The following AJAP1 variants were observed in gnomAD, a reference collection of about 807,000 sequenced individuals.
The protein encoded by AJAP1 is adherens junction-associated protein 1.
In AJAP1, 5 loss-of-function variants were observed where a neutral mutation model predicts 35.0. That is an observed-to-expected ratio of 0.14 (90% CI 0.07 to 0.30). AJAP1 has a LOEUF of 0.30. Among genes scored for constraint, AJAP1 ranks in the 10% least tolerant of loss-of-function variants. The pLI, the probability that AJAP1 is intolerant of heterozygous loss-of-function variation, is 1.00. For synonymous variants in AJAP1, 284 were observed against 249.3 expected, an observed-to-expected ratio of 1.14 and a Z score of -1.31; for missense variants, 586 against 571.0, an observed-to-expected ratio of 1.03 and a Z score of -0.27.
rs139302903 is a variant in AJAP1 at position 4,667,922 on chromosome 1, C to T, written c.29+12468C>T. Among the ~76,000 whole-genome samples the T allele has an allele frequency of 5.2e-3, 787 of 152,228 alleles. 9 individuals are homozygous for T. Among genetic ancestry groups the T allele is most frequent in the African/African-American group, 0.018 (746 of 41,542 alleles). On this transcript the variant is annotated intron_variant, in intron 1 of 5. Transcript: ENST00000378191. The stretch of plus-strand genomic sequence containing the variant: ...AGTTGGATTCCTCCCTAAAGAATGC[C>T]GTTAGGGTAAGGCCAGGAGTGTTTG...
chr1:4,765,399 G>A (rs1293298553), intron 2 of AJAP1, among the ~76,000 whole-genome samples: 1 of 152,086 alleles, frequency 6.6e-6, no homozygotes, highest in Non-Finnish European at 1.5e-5. Flanking sequence ...TTATGGGACA[G>A]GTGTTCCTGC....
At chr1:4,745,304 G>A (rs919649613) in intron 2 of AJAP1, among the ~76,000 whole-genome samples, 3 of 152,010 alleles carry the variant, frequency 2.0e-5, no homozygotes, top group African/African-American at 7.2e-5. Flanking sequence ...GTGGGTATGT[G>A]TGTCGAGGTG....
At chr1:4,754,521 C>G (rs992489512) in intron 2 of AJAP1, among the ~76,000 whole-genome samples, 1 of 152,200 alleles carries the variant, frequency 6.6e-6, no homozygotes, top group Non-Finnish European at 1.5e-5. Flanking sequence ...AATCTCCATT[C>G]CAAGCTTCCC....
chr1:4,728,580 G>T (rs889471239), intron 2 of AJAP1, among the ~76,000 whole-genome samples: 1 of 152,212 alleles, frequency 6.6e-6, no homozygotes, highest in Non-Finnish European at 1.5e-5. Context: ...GCCTGCTCCA[G>T]AGTGGGCTGT....
intron 2 of AJAP1, among the ~76,000 whole-genome samples, chr1:4,752,223 G>T (rs1291090238): frequency 6.6e-6 from 1 of 151,682 alleles, no homozygotes; most frequent in Non-Finnish European, 1.5e-5. Flanking sequence ...GGGACAGGGG[G>T]ATGAGAAGAC....
At chr1:4,762,091 C>T (rs1557644084) in intron 2 of AJAP1, among the ~76,000 whole-genome samples, 1 of 152,210 alleles carries the variant, frequency 6.6e-6, no homozygotes, top group Non-Finnish European at 1.5e-5. Context: ...CAGATAAAGA[C>T]AATAACAAGG....
At chr1:4,775,557 A>G (rs1443491236) in intron 5 of AJAP1, among the ~76,000 whole-genome samples, 1 of 152,236 alleles carries the variant, frequency 6.6e-6, no homozygotes, top group African/African-American at 2.4e-5. Flanking sequence ...TGGAGGACTC[A>G]GCTGGCTGCA....
chr1:4,711,423 T>A (rs756627584), intron 1 of AJAP1, among the ~76,000 whole-genome samples: 2 of 152,154 alleles, frequency 1.3e-5, no homozygotes, highest in African/African-American at 2.4e-5. Flanking sequence ...CTGGGCTATG[T>A]AGAGGAAAGC....
chr1:4,717,082 A>G (rs930925213), intron 2 of AJAP1, among the ~76,000 whole-genome samples: 1 of 152,224 alleles, frequency 6.6e-6, no homozygotes, highest in Non-Finnish European at 1.5e-5. Flanking sequence ...GCCTTCTATG[A>G]CAGCTCTCTT....
intron 1 of AJAP1, among the ~76,000 whole-genome samples, chr1:4,700,952 C>T (rs989155994): frequency 6.6e-6 from 1 of 152,202 alleles, no homozygotes; most frequent in Non-Finnish European, 1.5e-5. Context: ...TCAGCTAAGA[C>T]ACAGAGCCAG....
Position 4,791,501 on chromosome 1 carries a change from C to G in AJAP1, c.*9016C>G, listed in dbSNP as rs1373263319. 1 of 152,198 alleles carries G rather than the reference C, an allele frequency of 6.6e-6. No individual in the cohort carries two copies. Among genetic ancestry groups the G allele is most frequent in the African/African-American group, 2.4e-5 (1 of 41,458 alleles). 9.4% of individuals were successfully genotyped at this position (152,198 alleles called of 1,614,324 possible). ...ATCTCGCCATGGTTAGCACCAGGGA[C>G]AAGTCTGGCTCTAATGTATGTTTTA... On this transcript the variant is annotated 3_prime_UTR_variant, in exon 6 of 6. Transcript: ENST00000378191.
intron 1 of AJAP1, among the ~76,000 whole-genome samples, 184 bp from the exon 2 acceptor site, chr1:4,711,716 C>G (rs753331489): frequency 1.3e-5 from 2 of 152,168 alleles, no homozygotes; most frequent in Non-Finnish European, 2.9e-5. Context: ...TGTTCTTGCA[C>G]GTGAGTGAGC....
At chr1:4,673,419 GTCTT>G (rs1639290045) in intron 1 of AJAP1, among the ~76,000 whole-genome samples, 1 of 152,134 alleles carries the variant, frequency 6.6e-6, no homozygotes, top group East Asian at 1.9e-4. Context: ...TTCTCTTTCT[GTCTT>G]TCTTCTAACA....
At chr1:4,765,091 C>A (rs143136915) in intron 2 of AJAP1, among the ~76,000 whole-genome samples, 1 of 152,088 alleles carries the variant, frequency 6.6e-6, no homozygotes, top group Non-Finnish European at 1.5e-5. Context: ...TATACAGTGG[C>A]GATTAACAGA....
At position 4,734,054 on chromosome 1, in the gene AJAP1, G is replaced by C. The variant is rs442170; in HGVS notation, c.829+21355G>C. Among the ~76,000 whole-genome samples the C allele has an allele frequency of 0.12, 18,639 of 152,228 alleles. 1,595 individuals carry two copies. The highest frequency in any genetic ancestry group is 0.17 in the Non-Finnish European group (11,466 of 67,994). Reference sequence around the variant, plus strand: ...GCTTTTGTAAGCGATCACGTACCGAGTATTGACTTGGCTCAGCCCAGGAAA... The same window carrying C: ...GCTTTTGTAAGCGATCACGTACCGACTATTGACTTGGCTCAGCCCAGGAAA... On this transcript the variant is annotated intron_variant, in intron 2 of 5. Transcript: ENST00000378191. The surrounding 1 kb of genome is among the most constrained non-coding windows in gnomAD (Gnocchi z 4.3).
chr1:4,708,160 G>C (rs1640143196), intron 1 of AJAP1, among the ~76,000 whole-genome samples: 1 of 151,786 alleles, frequency 6.6e-6, no homozygotes, highest in Admixed American at 6.6e-5. Context: ...TAGAGACAGG[G>C]TTTCACCATG....
At chr1:4,726,543 C>T (rs749784880) in intron 2 of AJAP1, among the ~76,000 whole-genome samples, 6 of 151,902 alleles carry the variant, frequency 3.9e-5, no homozygotes, top group Admixed American at 6.6e-5. Flanking sequence ...GGGTCTGGGC[C>T]GGAGGAAGAG....
At chr1:4,667,553 T>G (rs547495861) in intron 1 of AJAP1, among the ~76,000 whole-genome samples, 162 of 152,220 alleles carry the variant, frequency 1.1e-3, no homozygotes, top group Non-Finnish European at 1.8e-3. Flanking sequence ...CCTAGATCCC[T>G]CACATACATG....
Position 4,785,758 on chromosome 1 carries a change from T to G in AJAP1, c.*3273T>G, listed in dbSNP as rs1409890814. ...CCACCCAAGGCCTGGTCCTTTCCTTTGCTTGAGCTTTTATTCCTCAAGAAA... is the reference window on the plus strand; with the variant it reads ...CCACCCAAGGCCTGGTCCTTTCCTTGGCTTGAGCTTTTATTCCTCAAGAAA... On this transcript the variant is annotated 3_prime_UTR_variant, in exon 6 of 6. Transcript: ENST00000378191. 1 of 152,210 alleles carries G rather than the reference T, an allele frequency of 6.6e-6. No individual in the cohort carries two copies. Among genetic ancestry groups the G allele is most frequent in the Non-Finnish European group, 1.5e-5 (1 of 68,050 alleles). 9.4% of individuals were successfully genotyped at this position (152,210 alleles called of 1,614,324 possible). A position where few individuals can be genotyped will look rare whatever the true frequency, so the allele number is the denominator to read the frequency against.
Sources: gnomAD v4.1 joint callset for allele counts (sites outside exome capture counted in the v4.1 genomes callset) on GRCh38, gnomAD v4.1.1 for gene constraint, Gnocchi (gnomAD v3.1) non-coding constraint, MANE v1.5 for transcripts, NCBI Gene and HGNC (gene_info 2026-07-23, HGNC 2026-07-21) for gene names.